KDM2A: variants seen among roughly 807,000 people sequenced by gnomAD.
KDM2A encodes lysine-specific demethylase 2A.
KDM2A carries 3 observed loss-of-function variants against 137.3 expected under a neutral mutation model. The observed-to-expected ratio is 0.02, with a 90% confidence interval of 0.01 to 0.06. The LOEUF is 0.06. Among genes scored for constraint, KDM2A ranks in the 10% least tolerant of loss-of-function variants. The pLI is 1.00. For synonymous variants in KDM2A, 512 were observed against 541.5 expected (o/e 0.95, Z 0.76); for missense variants, 738 against 1,510.6 (o/e 0.49, Z 8.48).
intron 5 of KDM2A, 119 bp downstream of exon 5, chr11:67,182,011 C>T: frequency 1.2e-6 from 1 of 828,856 alleles, no homozygotes; most frequent in South Asian, 1.6e-5. Context: ...TGATTAGAAA[C>T]TACATTTTCA....
intron 5 of KDM2A, chr11:67,196,443 T>A: frequency 2.2e-6 from 1 of 456,098 alleles, no homozygotes; most frequent in South Asian, 1.5e-5. Flanking sequence ...CTTGGCTGAA[T>A]GATAATTCAT....
chr11:67,217,643 G>A, intron 8 of KDM2A, 88 bp from the exon 9 acceptor site: 1 of 1,322,208 alleles, frequency 7.6e-7, no homozygotes, highest in Middle Eastern at 2.1e-4. Flanking sequence ...CTACCTGGTG[G>A]TCTTAATTTT....
At chr11:67,130,440 C>T (rs765969252) in intron 2 of KDM2A, among the ~76,000 whole-genome samples, 2 of 152,132 alleles carry the variant, frequency 1.3e-5, no homozygotes, top group South Asian at 2.1e-4. Flanking sequence ...CCACCATGCC[C>T]GGCCTTAAGC....
intron 10 of KDM2A, 79 bp downstream of exon 10, chr11:67,219,482 G>T: frequency 1.5e-6 from 1 of 645,444 alleles, no homozygotes; most frequent in Non-Finnish European, 2.4e-6. Flanking sequence ...TTCACTGATG[G>T]TTTATCAAAA....
intron 5 of KDM2A, among the ~76,000 whole-genome samples, chr11:67,204,751 A>G (rs2136376730): frequency 6.6e-6 from 1 of 152,150 alleles, no homozygotes; most frequent in South Asian, 2.1e-4. Flanking sequence ...TCGACCTCCC[A>G]AAGTGCTGGG....
chr11:67,163,424 C>G (rs977272741), intron 2 of KDM2A, among the ~76,000 whole-genome samples: 8 of 152,156 alleles, frequency 5.3e-5, no homozygotes, highest in African/African-American at 1.7e-4. Context: ...TTGGAAAATT[C>G]TATGACTTGG....
At chr11:67,138,905 A>C (rs1442605140) in intron 2 of KDM2A, among the ~76,000 whole-genome samples, 3 of 152,210 alleles carry the variant, frequency 2.0e-5, no homozygotes, top group Non-Finnish European at 4.4e-5. Flanking sequence ...GGAAACAAAA[A>C]ATTAACTAGA....
At chr11:67,154,760 A>C (rs986930250) in intron 2 of KDM2A, among the ~76,000 whole-genome samples, 1 of 152,160 alleles carries the variant, frequency 6.6e-6, no homozygotes, top group Non-Finnish European at 1.5e-5. Flanking sequence ...TGTAAATGGA[A>C]TCATACAATA....
intron 2 of KDM2A, among the ~76,000 whole-genome samples, chr11:67,178,267 G>A (rs1355783345): frequency 6.6e-6 from 1 of 152,112 alleles, no homozygotes; most frequent in Non-Finnish European, 1.5e-5. Context: ...TCAGCTGGGT[G>A]TGGTGGTGTG....
At chr11:67,139,229 CT>C (rs933462120) in intron 2 of KDM2A, among the ~76,000 whole-genome samples, 2,808 of 145,338 alleles carry the variant, frequency 0.019, 70 homozygotes, top group African/African-American at 0.062. Context: ...AAGATTGCTA[CT>C]TTTTTTTTTT....
At chr11:67,147,372 C>T (rs1856276428) in intron 2 of KDM2A, among the ~76,000 whole-genome samples, 1 of 151,844 alleles carries the variant, frequency 6.6e-6, no homozygotes, top group Non-Finnish European at 1.5e-5. Context: ...GAAACCCCGT[C>T]TCTACTAAAA....
At chr11:67,202,150 A>G (rs1326188270) in intron 5 of KDM2A, among the ~76,000 whole-genome samples, 1 of 152,210 alleles carries the variant, frequency 6.6e-6, no homozygotes, top group African/African-American at 2.4e-5. Context: ...ATGGAGTCGA[A>G]GATGCGACTG....
At chr11:67,177,343 T>C (rs1403563221) in intron 2 of KDM2A, among the ~76,000 whole-genome samples, 1 of 152,200 alleles carries the variant, frequency 6.6e-6, no homozygotes, top group Non-Finnish European at 1.5e-5. Context: ...TTGAACATTT[T>C]CTAATTTTCC....
chr11:67,223,986 A>C (rs900899791), intron 10 of KDM2A, among the ~76,000 whole-genome samples: 1 of 152,260 alleles, frequency 6.6e-6, no homozygotes, highest in Non-Finnish European at 1.5e-5. Flanking sequence ...AGTTTTAGCC[A>C]CATAAGAAAC....
intron 2 of KDM2A, among the ~76,000 whole-genome samples, chr11:67,170,386 GGTTTTTTTTTTTTCTTTCTTTCTT>G (rs1263930088): frequency 4.8e-5 from 7 of 144,866 alleles, no homozygotes; most frequent in African/African-American, 7.7e-5. Context: ...CCAAGCATGG[GGTTTTTTTTTTTTCTTTCTTTCTT>G]TTTTTTTTTT....
chr11:67,236,709 ATTG>A lies in KDM2A; in HGVS notation c.1479+4755_1479+4757del, dbSNP rs144015171. Reference sequence around the variant, plus strand: ...TTCTCCTCTATAAAATATCTGTGAGATTGTTGTTAAAATTAACAAGATTAGTAA... The same window carrying A: ...TTCTCCTCTATAAAATATCTGTGAGATTGTTAAAATTAACAAGATTAGTAA... On this transcript the variant is annotated intron_variant, in intron 12 of 20. Transcript: ENST00000529006. 2.8e-3 allele frequency among the ~76,000 whole-genome samples: 432 copies of A among 152,306 alleles called. 1 individual carries two copies. The highest frequency in any genetic ancestry group is 9.8e-3 in the African/African-American group (406 of 41,540).
intron 2 of KDM2A, among the ~76,000 whole-genome samples, chr11:67,133,248 C>T (rs186658573): frequency 1.8e-4 from 28 of 151,858 alleles, no homozygotes; most frequent in African/African-American, 5.8e-4. Flanking sequence ...TACAGGCGTG[C>T]GCCACCACAC....
rs1007752603 is a variant in KDM2A at position 67,119,905 on chromosome 11, C to G, written c.-228C>G. 6.6e-6 allele frequency: 1 copy of G among 152,212 alleles called. No homozygotes were observed. The highest frequency in any genetic ancestry group is 1.5e-5 in the Non-Finnish European group (1 of 68,066). The allele number at this position is 152,212 out of a possible 1,614,324, so 9.4% of individuals were successfully genotyped here. A position where few individuals can be genotyped will look rare whatever the true frequency, so the allele number is the denominator to read the frequency against. ...AGGTTTGATTCAGCAACTGTTTGCT[C>G]CCTTTTCCTGGTCGCTCTGACCCTC... On this transcript the variant is annotated 5_prime_UTR_variant, in exon 1 of 21. Transcript: ENST00000529006.
intron 17 of KDM2A, among the ~76,000 whole-genome samples, chr11:67,251,820 G>T (rs928913014): frequency 2.0e-5 from 3 of 152,196 alleles, no homozygotes; most frequent in Admixed American, 6.5e-5. Flanking sequence ...GCAAACATGA[G>T]TTTATTTCCC....
Sources: allele counts gnomAD v4.1 joint callset (sites outside exome capture counted in the v4.1 genomes callset), GRCh38; gene constraint gnomAD v4.1.1; transcripts MANE v1.5; gene names NCBI Gene and HGNC (gene_info 2026-07-23, HGNC 2026-07-21).